RBFOX1: variants seen among roughly 807,000 people sequenced by gnomAD.
RBFOX1 encodes the protein RNA binding protein fox-1 homolog 1.
Under a neutral mutation model 57.7 loss-of-function variants are expected in RBFOX1, and 8 were observed. That is an observed-to-expected ratio of 0.14 (90% CI 0.08 to 0.25). The LOEUF (loss-of-function observed/expected upper bound fraction) is 0.25, where lower values mean the gene tolerates loss of function less well. RBFOX1 is among the 10% of genes least tolerant of loss of function. RBFOX1 has a pLI of 1.00. For synonymous variants in RBFOX1, 326 were observed against 222.4 expected, an observed-to-expected ratio of 1.47 and a Z score of -4.15; for missense variants, 611 against 548.5, an observed-to-expected ratio of 1.11 and a Z score of -1.14.
At chr16:6,185,817 G>A (rs897829186) in intron 1 of RBFOX1, among the ~76,000 whole-genome samples, 2 of 152,272 alleles carry the variant, frequency 1.3e-5, no homozygotes, top group African/African-American at 2.4e-5. Flanking sequence ...GTTGATGAGC[G>A]TGAGAGTAGG....
chr16:5,642,581 A>G (rs2048915765), intron 3 of RBFOX1, among the ~76,000 whole-genome samples: 1 of 152,112 alleles, frequency 6.6e-6, no homozygotes, highest in African/African-American at 2.4e-5. Flanking sequence ...CGGTGATTGG[A>G]GATTGTGCAA....
chr16:6,746,457 A>C (rs2073672382), intron 3 of RBFOX1, among the ~76,000 whole-genome samples: 1 of 152,158 alleles, frequency 6.6e-6, no homozygotes, highest in Admixed American at 6.5e-5. Flanking sequence ...CAGTTGGATC[A>C]CTTGAGCCCA....
At chr16:7,229,270 A>G (rs2093339183) in intron 4 of RBFOX1, among the ~76,000 whole-genome samples, 1 of 152,226 alleles carries the variant, frequency 6.6e-6, no homozygotes, top group Admixed American at 6.5e-5. Flanking sequence ...ATGAAGGCAT[A>G]CTTTTTCCTC....
chr16:6,575,283 C>A (rs540733913), intron 2 of RBFOX1, among the ~76,000 whole-genome samples: 34 of 152,186 alleles, frequency 2.2e-4, no homozygotes, highest in African/African-American at 7.2e-4. Context: ...CTTGATTAAG[C>A]CTATGCATGT....
chr16:6,909,936 A>G (rs905457919), intron 3 of RBFOX1, among the ~76,000 whole-genome samples: 1 of 151,986 alleles, frequency 6.6e-6, no homozygotes, highest in African/African-American at 2.4e-5. Flanking sequence ...TTTGCTTAGC[A>G]AACTTCATGA....
At chr16:7,457,576 T>C (rs769602803) in intron 4 of RBFOX1, among the ~76,000 whole-genome samples, 1 of 152,218 alleles carries the variant, frequency 6.6e-6, no homozygotes, top group Non-Finnish European at 1.5e-5. Context: ...TTTGATGCTC[T>C]GTTCCTTCTT....
intron 4 of RBFOX1, among the ~76,000 whole-genome samples, chr16:7,506,012 C>T (rs752349518): frequency 1.4e-4 from 21 of 151,402 alleles, no homozygotes; most frequent in Non-Finnish European, 2.2e-4. Context: ...GGTGAAACAC[C>T]ATCTCTGCTA....
intron 4 of RBFOX1, among the ~76,000 whole-genome samples, chr16:7,214,043 T>C (rs768250304): frequency 6.6e-6 from 1 of 151,784 alleles, no homozygotes; most frequent in Non-Finnish European, 1.5e-5. Context: ...GCCTAGAAAC[T>C]GGTCCTTTCT....
intron 4 of RBFOX1, among the ~76,000 whole-genome samples, chr16:7,179,537 A>G (rs1247255386): frequency 6.6e-6 from 1 of 152,096 alleles, no homozygotes. Context: ...TAGACCTGTT[A>G]GGTGTTGGCA....
intron 1 of RBFOX1, among the ~76,000 whole-genome samples, chr16:6,176,678 A>T (rs1164583965): frequency 7.1e-6 from 1 of 140,876 alleles, no homozygotes; most frequent in Non-Finnish European, 1.5e-5. Flanking sequence ...TTTGCTAACA[A>T]CCATTCTTAG....
At chr16:5,481,127 C>G (rs958128049) in intron 2 of RBFOX1, among the ~76,000 whole-genome samples, 1 of 152,214 alleles carries the variant, frequency 6.6e-6, no homozygotes, top group African/African-American at 2.4e-5. Context: ...CTTCTTTGCA[C>G]TTAGATTGAT....
At chr16:6,996,619 C>T (rs1320045135) in intron 3 of RBFOX1, among the ~76,000 whole-genome samples, 1 of 152,132 alleles carries the variant, frequency 6.6e-6, no homozygotes, top group Non-Finnish European at 1.5e-5. Context: ...TTTCATTTAA[C>T]CAATGGGGAC....
intron 2 of RBFOX1, among the ~76,000 whole-genome samples, chr16:6,504,621 G>T (rs1328334191): frequency 6.6e-6 from 1 of 152,152 alleles, no homozygotes; most frequent in African/African-American, 2.4e-5. Context: ...AGATAGATGG[G>T]CAAGTGTGAG....
At chr16:6,307,501 C>A (rs7186857) in intron 1 of RBFOX1, among the ~76,000 whole-genome samples, 79,188 of 149,400 alleles carry the variant, frequency 0.53, 22,652 homozygotes, top group East Asian at 0.64. Context: ...GATCTAAATA[C>A]ATATGTAAAT....
At chr16:6,986,146 AACCCTTATATACGTCTACCAGAATC>A (rs138798714) in intron 3 of RBFOX1, among the ~76,000 whole-genome samples, 16,218 of 150,718 alleles carry the variant, frequency 0.11, 1,359 homozygotes, top group East Asian at 0.26. Context: ...CTTGTACAAT[AACCCTTATATACGTCTACCAGAATC>A]ACCAATTTCT....
At chr16:6,438,221 A>G (rs552141444) in intron 2 of RBFOX1, among the ~76,000 whole-genome samples, 1 of 152,342 alleles carries the variant, frequency 6.6e-6, no homozygotes, top group South Asian at 2.1e-4. Flanking sequence ...GCCAGCACTT[A>G]ATAAATGCCT....
At chr16:5,820,036 C>T (rs1597376519) in intron 3 of RBFOX1, among the ~76,000 whole-genome samples, 1 of 152,218 alleles carries the variant, frequency 6.6e-6, no homozygotes, top group African/African-American at 2.4e-5. Flanking sequence ...TCTTTGTCTT[C>T]AGGTGACTTT....
At chr16:6,984,799 C>G (rs535374874) in intron 3 of RBFOX1, among the ~76,000 whole-genome samples, 1 of 152,066 alleles carries the variant, frequency 6.6e-6, no homozygotes, top group Admixed American at 6.6e-5. Flanking sequence ...TGCCACCACA[C>G]CTGGCTAATT....
upstream of RBFOX1, among the ~76,000 whole-genome samples, chr16:6,014,356 C>G (rs182937890): frequency 9.9e-5 from 15 of 152,270 alleles, no homozygotes; most frequent in East Asian, 2.3e-3. Context: ...AGAGGAAAAA[C>G]TATCATGTTT....
Sources: gnomAD v4.1 joint callset for allele counts (sites outside exome capture counted in the v4.1 genomes callset) on GRCh38, gnomAD v4.1.1 for gene constraint, MANE v1.5 for transcripts, NCBI Gene and HGNC (gene_info 2026-07-23, HGNC 2026-07-21) for gene names.